NECTIN2: variants seen among roughly 807,000 people sequenced by gnomAD.
NECTIN2 encodes the protein nectin-2.
In NECTIN2, 23 loss-of-function variants were observed where a neutral mutation model predicts 56.9. The observed-to-expected ratio is 0.40, with a 90% CI of 0.29 to 0.57. The LOEUF (loss-of-function observed/expected upper bound fraction) is 0.57, where lower values mean the gene tolerates loss of function less well. Among genes scored for constraint, NECTIN2 ranks in the 20% least tolerant of loss-of-function variants. The pLI is 0.38. For synonymous variants in NECTIN2, 302 were observed against 313.8 expected, an observed-to-expected ratio of 0.96 and a Z score of 0.40; for missense variants, 587 against 718.3, an observed-to-expected ratio of 0.82 and a Z score of 2.09.
rs983318754 is a variant in NECTIN2 at position 44,874,575 on chromosome 19, G to A, written c.1042+97G>A. 31 of 1,473,428 alleles carry A rather than the reference G, an allele frequency of 2.1e-5. No individual in the cohort carries two copies. Among genetic ancestry groups the A allele is most frequent in the South Asian group, 2.4e-5 (2 of 83,364 alleles). The allele number at this position is 1,473,428 out of a possible 1,614,324, so 91.3% of individuals were successfully genotyped here. ...GGGCTGCACTGGGGGAGGCTGCGCC[G>A]CCGACCTGGGAGGGATGCAGACCTG... is the stretch of plus-strand genomic sequence containing the variant. On this transcript the variant is annotated intron_variant, in intron 5 of 8. Coordinates refer to ENST00000252483, the MANE Select transcript of NECTIN2 (RefSeq NM_001042724.2). This position sits in a 1 kb window ranked among gnomAD's most constrained non-coding sequence, Gnocchi z 6.3.
chr19:44,860,433 G>A (rs1489701536), intron 1 of NECTIN2, among the ~76,000 whole-genome samples: 4 of 151,988 alleles, frequency 2.6e-5, no homozygotes, highest in Non-Finnish European at 4.4e-5. Context: ...GGATCACTTC[G>A]GCCCCAGAGA....
Position 44,867,836 on chromosome 19 carries a change from G to T in NECTIN2, c.478+2176G>T, listed in dbSNP as rs150358728. On this transcript the variant is annotated intron_variant, in intron 2 of 8. Coordinates refer to ENST00000252483, the MANE Select transcript of NECTIN2 (RefSeq NM_001042724.2). ...AGCCATGGGAGGTGTCAAGCCACAG[G>T]AGAGATCTGGACAAACGTTTGAGGT... Among the ~76,000 whole-genome samples the T allele has an allele frequency of 6.7e-3, 1,013 of 152,240 alleles. 10 individuals carry two copies. Among genetic ancestry groups the T allele is most frequent in the Non-Finnish European group, 0.012 (804 of 68,020 alleles).
Position 44,863,420 on chromosome 19 carries a change from C to A in NECTIN2, c.89-1851C>A, listed in dbSNP as rs1461551326. 2.0e-5 allele frequency among the ~76,000 whole-genome samples: 3 copies of A among 151,830 alleles called. No homozygotes were observed. The East Asian group carries it at 5.8e-4, about 29-fold the overall frequency. ...TTCAGCCTGGGAGACAGAGTGAGAC[C>A]CTGTCTCAAAAAAGAAAAAGAAAAA... On this transcript the variant is annotated intron_variant, in intron 1 of 8. Transcript: ENST00000252483.
chr19:44,849,431 C>T (rs538774301), intron 1 of NECTIN2, among the ~76,000 whole-genome samples: 6 of 151,782 alleles, frequency 4.0e-5, no homozygotes, highest in African/African-American at 1.5e-4. Context: ...TCAAGGCCAG[C>T]GACATGTGGG....
In NECTIN2 at chr19:44,870,108, A is replaced by G. The variant is rs1208172822; in HGVS notation, c.479-1745A>G. ...GTCGGCGGTCAGGAAAGTGCCCTTG[A>G]CGAAGTGGGGCTTGGAGTGGGGTCT... On this transcript the variant is annotated intron_variant, in intron 2 of 8. Transcript: ENST00000252483. Among the ~76,000 whole-genome samples the G allele has an allele frequency of 2.0e-5, 3 of 152,182 alleles. No individual in the cohort carries two copies. In the East Asian group the frequency reaches 5.8e-4, roughly 29 times the overall value.
chr19:44,852,833 G>A (rs1216099856), intron 1 of NECTIN2, among the ~76,000 whole-genome samples: 1 of 152,182 alleles, frequency 6.6e-6, no homozygotes, highest in Admixed American at 6.5e-5. Flanking sequence ...GGCAGGACGC[G>A]GTGGCTCACG....
At position 44,846,375 on chromosome 19, in the gene NECTIN2, G is replaced by A; in HGVS notation, c.-151G>A. 1.0e-6 allele frequency: 1 copy of A among 994,066 alleles called. No homozygotes were observed. Among genetic ancestry groups the A allele is most frequent in the Non-Finnish European group, 1.4e-6 (1 of 739,664 alleles). The allele number at this position is 994,066 out of a possible 1,614,324, so 61.6% of individuals were successfully genotyped here. On this transcript the variant is annotated 5_prime_UTR_variant, in exon 1 of 9. Transcript: ENST00000252483. ...AGCCGGGCGGGGAGAGCTGGGCCGG[G>A]AGAGCAGAACAGGGAGGCTAGAGCG... is the stretch of plus-strand genomic sequence containing the variant.
intron 3 of NECTIN2, among the ~76,000 whole-genome samples, 166 bp from the exon 4 acceptor site, chr19:44,873,750 C>G (rs982053188): frequency 6.6e-6 from 1 of 152,214 alleles, no homozygotes; most frequent in African/African-American, 2.4e-5. Flanking sequence ...AGTGTCTACA[C>G]TGACATCAGC....
rs1568595872 is a variant in NECTIN2, at chr19:44,873,636, A to AC, written c.776-280_776-279insC. On this transcript the variant is annotated intron_variant, in intron 3 of 8. Coordinates refer to ENST00000252483, the MANE Select transcript of NECTIN2 (RefSeq NM_001042724.2). ...CAACAGAGCAAGATCCTGTCTCAAA[A>AC]ACACACACACACACACACACACATT... Among the ~76,000 whole-genome samples, 796 of 149,870 alleles carry AC rather than the reference A, an allele frequency of 5.3e-3. 9 individuals carry two copies. The highest frequency in any genetic ancestry group is 0.019 in the African/African-American group (768 of 40,826).
Position 44,865,347 on chromosome 19 carries a change from C to CCTGCTGCCACCTGTTCCTGGA in NECTIN2, c.169_189dup (p.Leu57_Leu63dup). ...GGGGCACCGTGGAGCTGCCGTGCCACCTGCTGCCACCTGTTCCTGGACTGT... is the reference window on the plus strand; with the variant it reads ...GGGGCACCGTGGAGCTGCCGTGCCACCTGCTGCCACCTGTTCCTGGACTGCTGCCACCTGTTCCTGGACTGT... On this transcript the variant is annotated inframe_insertion, in exon 2 of 9. Transcript: ENST00000252483. The surrounding 1 kb of genome is among the most constrained non-coding windows in gnomAD (Gnocchi z 5.2). The CCTGCTGCCACCTGTTCCTGGA allele has an allele frequency of 6.2e-7, 1 of 1,614,164 alleles. No homozygotes were observed. Among genetic ancestry groups the CCTGCTGCCACCTGTTCCTGGA allele is most frequent in the Non-Finnish European group, 8.5e-7 (1 of 1,180,018 alleles).
chr19:44,865,469 C>T lies in NECTIN2; in HGVS notation c.287C>T (p.Pro96Leu), dbSNP rs773762080. 23 of 1,613,396 alleles carry T rather than the reference C, an allele frequency of 1.4e-5. No homozygotes were observed. Among genetic ancestry groups the T allele is most frequent in the South Asian group, 2.2e-5 (2 of 91,024 alleles). The stretch of plus-strand genomic sequence containing the variant: ...AAGATGGGTCCCAGCTTCCCCAGCC[C>T]GAAGCCTGGCAGCGAGCGGCTGTCC... ...HPKMGPSFPS[P>L]KPGSERLSFV... Residue 96 changes from proline (P) to leucine (L), a missense_variant, in exon 2 of 9, where the codon CCG becomes CTG. Physicochemically the swap from Pro to Leu is moderately conservative, Grantham distance 98 (BLOSUM62 -3). Transcript: ENST00000252483. This position sits in a 1 kb window ranked among gnomAD's most constrained non-coding sequence, Gnocchi z 5.2.
chr19:44,883,650 C>T (rs911425745), intron 6 of NECTIN2, among the ~76,000 whole-genome samples: 4 of 152,038 alleles, frequency 2.6e-5, no homozygotes, highest in African/African-American at 4.8e-5. Flanking sequence ...AGTGAGACAC[C>T]ATCTCTAAAA....
At position 44,865,629 on chromosome 19, in the gene NECTIN2, C is replaced by T. The variant is rs1467781481; in HGVS notation, c.447C>T (p.Ser149=). Reference sequence around the variant, plus strand: ...AGTTTGCCACCTTCCCCAAGGGGTCCGTCCGAGGGATGACCTGGCTCAGAG... The same window carrying T: ...AGTTTGCCACCTTCCCCAAGGGGTCTGTCCGAGGGATGACCTGGCTCAGAG... ...TCEFATFPKG[S]VRGMTWLRVI... The change falls in exon 2 of 9, where the codon TCC becomes TCT. Residue 149 remains serine (S), a synonymous_variant. Coordinates refer to ENST00000252483, the MANE Select transcript of NECTIN2 (RefSeq NM_001042724.2). This position sits in a 1 kb window ranked among gnomAD's most constrained non-coding sequence, Gnocchi z 5.2. 5.9e-6 allele frequency: 9 copies of T among 1,535,940 alleles called. No homozygotes were observed. Among genetic ancestry groups the T allele is most frequent in the South Asian group, 2.4e-5 (2 of 83,754 alleles).
At chr19:44,872,598 T>C (rs1258756583) in intron 3 of NECTIN2, among the ~76,000 whole-genome samples, 1 of 151,940 alleles carries the variant, frequency 6.6e-6, no homozygotes, top group African/African-American at 2.4e-5. Context: ...TGGACCCCGG[T>C]TGACACTGCC....
chr19:44,850,939 G>A (rs568382797), intron 1 of NECTIN2, among the ~76,000 whole-genome samples: 2 of 152,244 alleles, frequency 1.3e-5, no homozygotes, highest in African/African-American at 2.4e-5. Flanking sequence ...ATAGATCTGC[G>A]GGGGAAGCCA....
At chr19:44,856,848 G>C (rs1968971250) in intron 1 of NECTIN2, among the ~76,000 whole-genome samples, 1 of 152,190 alleles carries the variant, frequency 6.6e-6, no homozygotes, top group African/African-American at 2.4e-5. Context: ...TTCTGTGTGG[G>C]CTGCTACTTC....
At position 44,888,418 on chromosome 19, in the gene NECTIN2, T is replaced by A. The variant is rs192213571; in HGVS notation, c.*39T>A. The A allele has an allele frequency of 5.7e-5, 91 of 1,585,468 alleles. No individual in the cohort carries two copies. The East Asian group carries it at 1.3e-3, about 23-fold the overall frequency. On this transcript the variant is annotated 3_prime_UTR_variant, in exon 9 of 9. Coordinates refer to ENST00000252483, the MANE Select transcript of NECTIN2 (RefSeq NM_001042724.2). ...TGGCGTCTCACATCTCACCTGTTGATCCCTTAGCTTTCTTGCCAAGGATCT... is the reference window on the plus strand; with the variant it reads ...TGGCGTCTCACATCTCACCTGTTGAACCCTTAGCTTTCTTGCCAAGGATCT...
chr19:44,887,969 T>C (rs1969378995), intron 8 of NECTIN2, 141 bp from the exon 9 acceptor site: 4 of 854,166 alleles, frequency 4.7e-6, no homozygotes, highest in Non-Finnish European at 7.3e-6. Context: ...CAGTGCAATA[T>C]GGCCTCAGGG....
At chr19:44,852,982 C>T (rs1464441448) in intron 1 of NECTIN2, among the ~76,000 whole-genome samples, 1 of 151,852 alleles carries the variant, frequency 6.6e-6, no homozygotes, top group Non-Finnish European at 1.5e-5. Flanking sequence ...TATGGTGGTG[C>T]CCGCCTGTAG....
Sources: gnomAD v4.1 joint callset for allele counts (sites outside exome capture counted in the v4.1 genomes callset) on GRCh38, gnomAD v4.1.1 for gene constraint, Gnocchi (gnomAD v3.1) non-coding constraint, MANE v1.5 for transcripts, NCBI Gene and HGNC (gene_info 2026-07-23, HGNC 2026-07-21) for gene names.